Variants in CDC20B observed in about 807,000 individuals in gnomAD.
CDC20B encodes cell division cycle protein 20 homolog B.
CDC20B carries 58 observed loss-of-function variants against 64.1 expected under a neutral mutation model. The observed-to-expected ratio is 0.90, with a 90% CI of 0.73 to 1.13. The LOEUF is 1.13. CDC20B is among the 50% of genes most tolerant of loss of function. The pLI, the probability that CDC20B is intolerant of heterozygous loss-of-function variation, is 0.00. For synonymous variants in CDC20B, 243 were observed against 230.6 expected, an observed-to-expected ratio of 1.05 and a Z score of -0.49; for missense variants, 597 against 633.0, an observed-to-expected ratio of 0.94 and a Z score of 0.61.
chr5:55,138,079 C>A (rs911485589), intron 5 of CDC20B, among the ~76,000 whole-genome samples: 4 of 151,098 alleles, frequency 2.6e-5, no homozygotes. Flanking sequence ...GATGTTTATT[C>A]TCTGGATAAA....
chr5:55,127,011 A>C (rs1742908898), intron 8 of CDC20B, among the ~76,000 whole-genome samples: 1 of 152,162 alleles, frequency 6.6e-6, no homozygotes, highest in African/African-American at 2.4e-5. Context: ...GGATTTTCAC[A>C]TTTTATCTGA....
chr5:55,144,399 T>A (rs1561295366), intron 3 of CDC20B, among the ~76,000 whole-genome samples: 4 of 152,196 alleles, frequency 2.6e-5, no homozygotes, highest in African/African-American at 9.6e-5. Context: ...ATCTGCCATA[T>A]CACTTGTTCA....
chr5:55,138,873 T>C (rs1196941310), intron 5 of CDC20B, among the ~76,000 whole-genome samples: 1 of 150,366 alleles, frequency 6.7e-6, no homozygotes, highest in Non-Finnish European at 1.5e-5. Flanking sequence ...AAAAGTGAGA[T>C]GAAAAATAGA....
chr5:55,153,452 A>G (rs1320459448), intron 2 of CDC20B, among the ~76,000 whole-genome samples: 1 of 152,174 alleles, frequency 6.6e-6, no homozygotes. Flanking sequence ...TGAGCAAAAC[A>G]TGACAAATAA....
At chr5:55,172,324 C>A in intron 2 of CDC20B, 1 of 397,914 alleles carries the variant, frequency 2.5e-6, no homozygotes, top group South Asian at 3.1e-5. Context: ...CAGCCGCTAG[C>A]AATACACTGC....
chr5:55,143,494 T>C lies in CDC20B; in HGVS notation c.486+19A>G, dbSNP rs1372590941. On this transcript the variant is annotated intron_variant, in intron 4 of 11. Transcript: ENST00000381375. ...GCTTCTCTAGATGTGGGATCTTCAG[T>C]TTTTTTCTCTTTACCTACCTGCCCT... 2 of 1,570,160 alleles carry C rather than the reference T, an allele frequency of 1.3e-6. No individual in the cohort carries two copies. Among genetic ancestry groups the C allele is most frequent in the East Asian group, 2.3e-5 (1 of 44,306 alleles).
intron 9 of CDC20B, among the ~76,000 whole-genome samples, chr5:55,123,256 A>C (rs1042765617): frequency 1.2e-4 from 18 of 152,046 alleles, no homozygotes; most frequent in African/African-American, 4.1e-4. Context: ...TTTTCAAATA[A>C]CCATTCTCCA....
intron 4 of CDC20B, among the ~76,000 whole-genome samples, chr5:55,142,717 C>A (rs1453358491): frequency 6.6e-6 from 1 of 152,070 alleles, no homozygotes; most frequent in African/African-American, 2.4e-5. Context: ...CATCAAAATA[C>A]CTGCTCTAAA....
At chr5:55,148,922 G>A (rs1276242408) in intron 2 of CDC20B, among the ~76,000 whole-genome samples, 1 of 152,240 alleles carries the variant, frequency 6.6e-6, no homozygotes, top group Admixed American at 6.5e-5. Flanking sequence ...AGACTACACA[G>A]TAAGTGGCGA....
intron 11 of CDC20B, among the ~76,000 whole-genome samples, chr5:55,117,256 C>A (rs1189405759): frequency 1.3e-5 from 2 of 151,938 alleles, no homozygotes; most frequent in Non-Finnish European, 2.9e-5. Flanking sequence ...CTGAAATTTT[C>A]CCCCCAAAAA....
chr5:55,137,232 C>G (rs1477792629), intron 5 of CDC20B: 2 of 222,946 alleles, frequency 9.0e-6, no homozygotes, highest in Non-Finnish European at 1.8e-5. Context: ...TAGCATGGAA[C>G]AGGACCTTCT....
chr5:55,162,952 A>C (rs1744165076), intron 2 of CDC20B, among the ~76,000 whole-genome samples: 1 of 152,188 alleles, frequency 6.6e-6, no homozygotes, highest in Non-Finnish European at 1.5e-5. Context: ...TCAACCACTC[A>C]TTAGCCACGT....
At position 55,167,219 on chromosome 5, in the gene CDC20B, C is replaced by T. The variant is rs999001460; in HGVS notation, c.126+5369G>A. On this transcript the variant is annotated intron_variant, in intron 2 of 11. Coordinates refer to ENST00000381375, the MANE Select transcript of CDC20B (RefSeq NM_001170402.1). The stretch of plus-strand genomic sequence containing the variant: ...CTTTGGTGCGTAGAGAAGAATACTT[C>T]ATACTAACTCCTGATCATCTTACAG... 5 of 152,284 alleles carry T rather than the reference C, an allele frequency of 3.3e-5. No individual in the cohort carries two copies. The East Asian group carries it at 9.6e-4, about 29-fold the overall frequency. The allele number at this position is 152,284 out of a possible 1,614,324, so 9.4% of individuals were successfully genotyped here. A position where few individuals can be genotyped will look rare whatever the true frequency, so the allele number is the denominator to read the frequency against.
chr5:55,128,260 T>TAA (rs372856760), intron 7 of CDC20B, among the ~76,000 whole-genome samples, 161 bp downstream of exon 7: 12 of 109,558 alleles, frequency 1.1e-4, no homozygotes, highest in South Asian at 7.8e-4. Flanking sequence ...AACCATTCAG[T>TAA]AAAAAAAAAA....
intron 6 of CDC20B, among the ~76,000 whole-genome samples, chr5:55,133,161 T>C (rs1412924147): frequency 6.6e-6 from 1 of 152,214 alleles, no homozygotes; most frequent in Non-Finnish European, 1.5e-5. Flanking sequence ...TAGACCATCA[T>C]TAGTACAATT....
At chr5:55,126,400 G>A (rs762732428) in intron 8 of CDC20B, 10 of 189,510 alleles carry the variant, frequency 5.3e-5, no homozygotes, top group Non-Finnish European at 4.3e-5. Context: ...TCGGGAGGTG[G>A]AGGTTGCAGT....
Position 55,126,186 on chromosome 5 carries a change from A to G in CDC20B, c.989+1071T>C, listed in dbSNP as rs186794627. Among the ~76,000 whole-genome samples the G allele has an allele frequency of 3.8e-3, 583 of 152,258 alleles. 6 individuals carry two copies. The highest frequency in any genetic ancestry group is 0.013 in the African/African-American group (556 of 41,540). ...TATTCAAGTCTCAAGTTTACATCAG[A>G]TTACTTAAATACATTTTAAAAGTCT... On this transcript the variant is annotated intron_variant, in intron 8 of 11. Coordinates refer to ENST00000381375, the MANE Select transcript of CDC20B (RefSeq NM_001170402.1).
chr5:55,141,119 A>G (rs1743317168), intron 4 of CDC20B, among the ~76,000 whole-genome samples: 1 of 152,188 alleles, frequency 6.6e-6, no homozygotes, highest in African/African-American at 2.4e-5. Context: ...GAGCAGAAAG[A>G]ACACTTTGGG....
intron 5 of CDC20B, chr5:55,137,300 C>T (rs1195641312): frequency 1.3e-5 from 4 of 300,322 alleles, no homozygotes; most frequent in African/African-American, 4.3e-5. Flanking sequence ...TCCCTGATAA[C>T]GCTCACAACA....
Sources: gnomAD v4.1 joint callset for allele counts (sites outside exome capture counted in the v4.1 genomes callset) on GRCh38, gnomAD v4.1.1 for gene constraint, MANE v1.5 for transcripts, NCBI Gene and HGNC (gene_info 2026-07-23, HGNC 2026-07-21) for gene names.